Variants in SH3GL2 observed in about 807,000 individuals in gnomAD.
SH3GL2 encodes SH3 domain containing GRB2 like 2, endophilin A1, also known as endophilin-A1.
In SH3GL2, 24 loss-of-function variants were observed where a neutral mutation model predicts 46.0. The ratio of observed to expected loss-of-function variants is 0.52; its 90% CI spans 0.38 to 0.73. The LOEUF (loss-of-function observed/expected upper bound fraction) is 0.73. Among genes scored for constraint, SH3GL2 ranks in the 30% least tolerant of loss-of-function variants. SH3GL2 has a pLI of 0.00. For synonymous variants in SH3GL2, 196 were observed against 147.1 expected (o/e 1.33, Z -2.40); for missense variants, 413 against 424.2 (o/e 0.97, Z 0.23).
chr9:17,742,636 C>A (rs549505709), intron 1 of SH3GL2, among the ~76,000 whole-genome samples: 17 of 152,154 alleles, frequency 1.1e-4, no homozygotes, highest in African/African-American at 3.4e-4. Flanking sequence ...TGAAATTCAA[C>A]AAATCTTTAC....
At position 17,614,513 on chromosome 9, in the gene SH3GL2, C is replaced by A. The variant is rs557546759; in HGVS notation, c.45+35226C>A. 9.2e-5 allele frequency among the ~76,000 whole-genome samples: 14 copies of A among 151,898 alleles called. No individual in the cohort carries two copies. In the South Asian group the frequency reaches 2.9e-3, roughly 32 times the overall value. ...TTTAGTGGCACTGGAATTGGGACAGCGTAGCTATTTTCTGTCATAGGGCAA... is the reference window on the plus strand; with the variant it reads ...TTTAGTGGCACTGGAATTGGGACAGAGTAGCTATTTTCTGTCATAGGGCAA... On this transcript the variant is annotated intron_variant, in intron 1 of 8. Coordinates refer to ENST00000380607, the MANE Select transcript of SH3GL2 (RefSeq NM_003026.5).
At chr9:17,585,100 C>T (rs1479812308) in intron 1 of SH3GL2, among the ~76,000 whole-genome samples, 1 of 152,170 alleles carries the variant, frequency 6.6e-6, no homozygotes. Flanking sequence ...CTGAAGCTTG[C>T]AGAGCAGATT....
intron 1 of SH3GL2, among the ~76,000 whole-genome samples, chr9:17,645,916 C>G (rs1200675799): frequency 2.6e-5 from 4 of 152,092 alleles, no homozygotes; most frequent in African/African-American, 9.6e-5. Context: ...TGAATGTTGG[C>G]CTGTCTTGCT....
chr9:17,719,717 C>T (rs988064837), intron 1 of SH3GL2, among the ~76,000 whole-genome samples: 1 of 150,548 alleles, frequency 6.6e-6, no homozygotes, highest in African/African-American at 2.5e-5. Context: ...CCCTTGAGCC[C>T]AGAAGTTAGA....
intron 3 of SH3GL2, among the ~76,000 whole-genome samples, chr9:17,766,976 TGAATG>T (rs1823336175): frequency 6.6e-6 from 1 of 152,222 alleles, no homozygotes; most frequent in Non-Finnish European, 1.5e-5. Flanking sequence ...TCATGACACT[TGAATG>T]GAATTGTAGA....
chr9:17,687,735 T>C (rs184023680), intron 1 of SH3GL2, among the ~76,000 whole-genome samples: 3 of 152,190 alleles, frequency 2.0e-5, no homozygotes, highest in Admixed American at 2.0e-4. Flanking sequence ...CCCGAAAACA[T>C]TATTTTGCTG....
intron 3 of SH3GL2, among the ~76,000 whole-genome samples, chr9:17,775,104 C>A (rs1823605225): frequency 6.6e-6 from 1 of 152,050 alleles, no homozygotes; most frequent in Admixed American, 6.6e-5. Context: ...ATCTTATTTA[C>A]TTGTGTAGAT....
chr9:17,659,752 G>T (rs1398282420), intron 1 of SH3GL2, among the ~76,000 whole-genome samples: 1 of 152,168 alleles, frequency 6.6e-6, no homozygotes, highest in Non-Finnish European at 1.5e-5. Context: ...AGAGGCAAAA[G>T]AATCTTGACT....
At chr9:17,730,042 T>TA (rs1482659753) in intron 1 of SH3GL2, among the ~76,000 whole-genome samples, 2 of 152,150 alleles carry the variant, frequency 1.3e-5, no homozygotes, top group Non-Finnish European at 2.9e-5. Flanking sequence ...ATCTGTAAAT[T>TA]ACTTTGGGCA....
At chr9:17,700,171 T>G (rs1184445579) in intron 1 of SH3GL2, among the ~76,000 whole-genome samples, 1 of 152,134 alleles carries the variant, frequency 6.6e-6, no homozygotes, top group African/African-American at 2.4e-5. Context: ...CTGCTAGGGA[T>G]TTATTATTTT....
chr9:17,616,736 C>T (rs1479146467), intron 1 of SH3GL2, among the ~76,000 whole-genome samples: 1 of 151,914 alleles, frequency 6.6e-6, no homozygotes, highest in East Asian at 1.9e-4. Flanking sequence ...TATAGTAAGT[C>T]CCTTTTTTTT....
At chr9:17,595,500 A>G (rs1563775223) in intron 1 of SH3GL2, among the ~76,000 whole-genome samples, 4 of 152,190 alleles carry the variant, frequency 2.6e-5, no homozygotes, top group African/African-American at 4.8e-5. Context: ...CTGTTAAAAC[A>G]CTTCTGGAGA....
intron 1 of SH3GL2, among the ~76,000 whole-genome samples, chr9:17,720,891 T>G (rs574127064): frequency 2.6e-5 from 4 of 152,258 alleles, no homozygotes; most frequent in African/African-American, 9.6e-5. Context: ...AATTATCGTT[T>G]GCTGCAGTGG....
At chr9:17,783,560 T>G (rs1563852875) in intron 3 of SH3GL2, among the ~76,000 whole-genome samples, 1 of 152,030 alleles carries the variant, frequency 6.6e-6, no homozygotes, top group Non-Finnish European at 1.5e-5. Flanking sequence ...TGCTACAGAT[T>G]ATGCTTTAGA....
At chr9:17,686,929 T>G (rs1021098074) in intron 1 of SH3GL2, among the ~76,000 whole-genome samples, 1 of 121,218 alleles carries the variant, frequency 8.2e-6, no homozygotes, top group African/African-American at 3.3e-5. Flanking sequence ...CCCTAAAACT[T>G]AAAGTATAAT....
intron 1 of SH3GL2, among the ~76,000 whole-genome samples, chr9:17,624,973 A>G (rs1299049370): frequency 6.6e-6 from 1 of 152,238 alleles, no homozygotes; most frequent in East Asian, 1.9e-4. Flanking sequence ...ATATCTGTTC[A>G]GAGTGTGAGT....
At chr9:17,636,915 C>T (rs1449901801) in intron 1 of SH3GL2, among the ~76,000 whole-genome samples, 1 of 152,138 alleles carries the variant, frequency 6.6e-6, no homozygotes, top group African/African-American at 2.4e-5. Context: ...GTGTTGGATA[C>T]TAGCATAAAA....
At chr9:17,614,431 T>C (rs535114679) in intron 1 of SH3GL2, among the ~76,000 whole-genome samples, 11 of 151,960 alleles carry the variant, frequency 7.2e-5, no homozygotes, top group African/African-American at 2.7e-4. Flanking sequence ...GGAAATTGAC[T>C]TGGCTGGATT....
chr9:17,654,572 A>G (rs1382196084), intron 1 of SH3GL2, among the ~76,000 whole-genome samples: 1 of 152,220 alleles, frequency 6.6e-6, no homozygotes, highest in Non-Finnish European at 1.5e-5. Context: ...CTTGGAATGA[A>G]TAGAATTTAA....
Sources: gnomAD v4.1 joint callset for allele counts (sites outside exome capture counted in the v4.1 genomes callset) on GRCh38, gnomAD v4.1.1 for gene constraint, MANE v1.5 for transcripts, NCBI Gene and HGNC (gene_info 2026-07-23, HGNC 2026-07-21) for gene names.